The following SLC14A2 variants were observed in gnomAD, a reference collection of about 807,000 sequenced individuals.
SLC14A2 encodes the protein urea transporter 2.
A neutral mutation model predicts 104.6 loss-of-function variants in SLC14A2; 91 were observed. That is an observed-to-expected ratio of 0.87 (90% CI 0.73 to 1.04). SLC14A2 has a LOEUF of 1.04. Among genes scored for constraint, SLC14A2 ranks in the 50% least tolerant of loss-of-function variants. SLC14A2 has a pLI of 0.00. For synonymous variants in SLC14A2, 476 were observed against 466.4 expected (o/e 1.02, Z -0.27); for missense variants, 1,189 against 1,156.0 (o/e 1.03, Z -0.41).
intron 10 of SLC14A2, 25 bp from the exon 11 acceptor site, chr18:45,663,760 C>G (rs778096449): frequency 6.2e-7 from 1 of 1,608,778 alleles, no homozygotes; most frequent in African/African-American, 1.3e-5. Flanking sequence ...GGGACACTGA[C>G]CTGTCTTGTT....
intron 1 of SLC14A2, among the ~76,000 whole-genome samples, chr18:45,274,627 A>T (rs1315158423): frequency 1.3e-5 from 2 of 152,230 alleles, no homozygotes; most frequent in African/African-American, 4.8e-5. Flanking sequence ...TCAAGGCAGG[A>T]TACTGCCAGT....
chr18:45,622,537 C>T (rs2045190127), intron 1 of SLC14A2, among the ~76,000 whole-genome samples: 2 of 152,086 alleles, frequency 1.3e-5, no homozygotes, highest in Admixed American at 6.6e-5. Context: ...GGGTCATCGG[C>T]AGGGAGATGG....
chr18:45,239,666 G>A (rs183885127), intron 1 of SLC14A2, among the ~76,000 whole-genome samples: 11 of 152,324 alleles, frequency 7.2e-5, no homozygotes, highest in Middle Eastern at 6.8e-3. Flanking sequence ...CATTCTGACC[G>A]AAAAATCTAC....
the SLC14A2 span, among the ~76,000 whole-genome samples, chr18:45,182,711 G>T: frequency 6.6e-6 from 1 of 151,920 alleles, no homozygotes; most frequent in African/African-American, 2.4e-5. Context: ...AATATATAAA[G>T]TAGAAGAGTA....
At chr18:45,574,606 G>C (rs1271427955) in intron 2 of SLC14A2, among the ~76,000 whole-genome samples, 1 of 152,134 alleles carries the variant, frequency 6.6e-6, no homozygotes. Context: ...TGCATACCTA[G>C]GGCACAAGTA....
intron 1 of SLC14A2, among the ~76,000 whole-genome samples, chr18:45,260,765 G>T (rs2084527154): frequency 6.6e-6 from 1 of 152,078 alleles, no homozygotes; most frequent in African/African-American, 2.4e-5. Flanking sequence ...CAATGTACTG[G>T]CATTTACTGG....
intron 1 of SLC14A2, among the ~76,000 whole-genome samples, chr18:45,294,400 TA>T (rs1429942625): frequency 1.3e-5 from 2 of 152,198 alleles, no homozygotes; most frequent in Non-Finnish European, 2.9e-5. Flanking sequence ...GTGTGAATAT[TA>T]GCTAGTATTA....
At chr18:45,359,316 C>CA (rs1311855656) in intron 1 of SLC14A2, among the ~76,000 whole-genome samples, 34 of 152,166 alleles carry the variant, frequency 2.2e-4, no homozygotes, top group African/African-American at 8.2e-4. Context: ...GGGAAGCAGG[C>CA]CCCCCCGTCT....
chr18:45,456,724 G>GT (rs1224642542), intron 1 of SLC14A2, among the ~76,000 whole-genome samples: 1 of 147,234 alleles, frequency 6.8e-6, no homozygotes, highest in Admixed American at 6.8e-5. Context: ...AGAGAGTGGT[G>GT]TTTTTTTCCT....
intron 2 of SLC14A2, among the ~76,000 whole-genome samples, chr18:45,539,525 G>T (rs1459339861): frequency 1.3e-5 from 2 of 152,194 alleles, no homozygotes; most frequent in Non-Finnish European, 2.9e-5. Flanking sequence ...TCCAGACCCT[G>T]CCTCTAGCCC....
the SLC14A2 span, among the ~76,000 whole-genome samples, chr18:45,199,654 G>A: frequency 6.6e-6 from 1 of 151,984 alleles, no homozygotes. Context: ...TCTTCTCTTA[G>A]GAAGTTTTCT....
At chr18:45,569,444 C>G (rs1251614040) in intron 2 of SLC14A2, among the ~76,000 whole-genome samples, 1 of 152,154 alleles carries the variant, frequency 6.6e-6, no homozygotes, top group Non-Finnish European at 1.5e-5. Context: ...TATGAGCTTC[C>G]TCCTTACAAA....
intron 2 of SLC14A2, among the ~76,000 whole-genome samples, chr18:45,602,897 G>A (rs899579515): frequency 5.3e-5 from 8 of 152,132 alleles, no homozygotes; most frequent in African/African-American, 1.2e-4. Flanking sequence ...CAGCCAAGTC[G>A]ATTAGACACC....
intron 2 of SLC14A2, among the ~76,000 whole-genome samples, chr18:45,551,693 G>C (rs182084604): frequency 6.6e-6 from 1 of 152,354 alleles, no homozygotes; most frequent in East Asian, 1.9e-4. Flanking sequence ...CTGTGGGAGG[G>C]AAGGTTGGCC....
At chr18:45,252,357 C>G (rs1184258096) in intron 1 of SLC14A2, among the ~76,000 whole-genome samples, 4 of 152,206 alleles carry the variant, frequency 2.6e-5, no homozygotes, top group African/African-American at 9.7e-5. Flanking sequence ...GTTTCCTGGA[C>G]TTTTTGCATT....
intron 1 of SLC14A2, among the ~76,000 whole-genome samples, chr18:45,398,852 C>T (rs574191115): frequency 3.9e-5 from 6 of 152,038 alleles, no homozygotes; most frequent in South Asian, 2.1e-4. Flanking sequence ...AGTAATTGTT[C>T]GATGTGTACA....
chr18:45,465,695 GC>G (rs2087128321), intron 1 of SLC14A2, among the ~76,000 whole-genome samples: 2 of 152,216 alleles, frequency 1.3e-5, no homozygotes, highest in African/African-American at 4.8e-5. Context: ...TCAGCTAGGA[GC>G]CCACCTGACC....
intron 10 of SLC14A2, among the ~76,000 whole-genome samples, chr18:45,660,232 G>C (rs2045916652): frequency 6.6e-6 from 1 of 152,160 alleles, no homozygotes; most frequent in Non-Finnish European, 1.5e-5. Context: ...GCCAAGCAAG[G>C]TAAAATGGCA....
intron 2 of SLC14A2, among the ~76,000 whole-genome samples, chr18:45,570,136 G>A (rs1385818393): frequency 2.6e-5 from 4 of 152,096 alleles, no homozygotes; most frequent in Non-Finnish European, 4.4e-5. Context: ...GCTCGTATGT[G>A]GTCAGCATCT....
Sources: gnomAD v4.1 joint callset for allele counts (sites outside exome capture counted in the v4.1 genomes callset) on GRCh38, gnomAD v4.1.1 for gene constraint, MANE v1.5 for transcripts, NCBI Gene and HGNC (gene_info 2026-07-23, HGNC 2026-07-21) for gene names.